Variants in SLC7A2 observed in about 807,000 individuals in gnomAD.
The protein encoded by SLC7A2 is cationic amino acid transporter 2.
SLC7A2 carries 48 observed loss-of-function variants against 58.9 expected under a neutral mutation model. The observed-to-expected ratio is 0.82, with a 90% CI of 0.65 to 1.04. The LOEUF is 1.04. Ranked by LOEUF, SLC7A2 falls within the 50% of genes least tolerant of loss-of-function variation. The probability of loss-of-function intolerance (pLI) is 0.00; values close to 1 mark genes in which losing one functional copy is unlikely to be tolerated. For missense variants in SLC7A2, 1,029 were observed against 818.8 expected, an observed-to-expected ratio of 1.26 and a Z score of -3.13; for synonymous variants, 363 against 314.5, an observed-to-expected ratio of 1.15 and a Z score of -1.63.
At chr8:17,511,397 A>G (rs143201070) in intron 2 of SLC7A2, 28 of 152,316 alleles carry the variant, frequency 1.8e-4, no homozygotes, top group African/African-American at 6.7e-4. Flanking sequence ...AAGAATCAGA[A>G]GAACCCTAAG....
chr8:17,548,922 T>C (rs1276628259), intron 5 of SLC7A2, 79 bp downstream of exon 5: 6 of 1,207,838 alleles, frequency 5.0e-6, no homozygotes, highest in African/African-American at 3.1e-5. Flanking sequence ...TCATTTTTAC[T>C]CTGCTAATAA....
chr8:17,528,631 T>A (rs1263890997), intron 2 of SLC7A2, among the ~76,000 whole-genome samples: 1 of 152,136 alleles, frequency 6.6e-6, no homozygotes, highest in East Asian at 1.9e-4. Flanking sequence ...CTTAGGGTTC[T>A]GAGGAAGTTA....
intron 2 of SLC7A2, among the ~76,000 whole-genome samples, chr8:17,522,049 T>TATG (rs1801035863): frequency 6.6e-6 from 1 of 152,200 alleles, no homozygotes; most frequent in South Asian, 2.1e-4. Context: ...ACCCAGGCTG[T>TATG]ATGCATGCAT....
At chr8:17,508,277 T>C (rs1401100214) in intron 2 of SLC7A2, among the ~76,000 whole-genome samples, 2 of 152,202 alleles carry the variant, frequency 1.3e-5, no homozygotes, top group Admixed American at 6.5e-5. Flanking sequence ...AATAACATAT[T>C]TACATTATTC....
chr8:17,568,228 CT>C lies in SLC7A2; in HGVS notation c.*3083del, dbSNP rs1803356679. 6.6e-6 allele frequency: 1 copy of C among 151,520 alleles called. No homozygotes were observed. The highest frequency in any genetic ancestry group is 1.5e-5 in the Non-Finnish European group (1 of 67,946). 9.4% of individuals were successfully genotyped at this position (151,520 alleles called of 1,614,324 possible). ...CAGTGAGAATTTCTTGTAATGGCACCTCAAATTTTATACTCTTAAAAAAAAA... is the reference window on the plus strand; with the variant it reads ...CAGTGAGAATTTCTTGTAATGGCACCCAAATTTTATACTCTTAAAAAAAAA... On this transcript the variant is annotated 3_prime_UTR_variant, in exon 13 of 13. Transcript: ENST00000494857.
chr8:17,561,851 A>T, intron 10 of SLC7A2, 93 bp from the exon 11 acceptor site: 1 of 1,191,966 alleles, frequency 8.4e-7, no homozygotes, highest in Non-Finnish European at 1.2e-6. Context: ...ATGTGTACAG[A>T]AGTCAGTGTT....
At position 17,564,953 on chromosome 8, in the gene SLC7A2, T is replaced by C; in HGVS notation, c.1784T>C (p.Phe595Ser). 1 of 1,576,032 alleles carries C rather than the reference T, an allele frequency of 6.3e-7. No homozygotes were observed. The highest frequency in any genetic ancestry group is 8.6e-7 in the Non-Finnish European group (1 of 1,165,400). Residue 595 changes from phenylalanine (F) to serine (S), a missense_variant, in exon 13 of 13, where the codon TTC becomes TCC. By Grantham distance (155) the Phe-to-Ser change is radical. Coordinates refer to ENST00000494857, the MANE Select transcript of SLC7A2 (RefSeq NM_001370338.1). ...VRFSIWMAIG[F>S]LIYFSYGIRH... ...TTTTTTTTTCCTGCCCCAACAGGCT[T>C]CCTGATTTACTTTTCTTATGGCATT...
At chr8:17,516,432 C>T (rs1164735317) in intron 2 of SLC7A2, among the ~76,000 whole-genome samples, 1 of 152,132 alleles carries the variant, frequency 6.6e-6, no homozygotes, top group Non-Finnish European at 1.5e-5. Context: ...CCATGTTGGC[C>T]AGGCTGTTGT....
In SLC7A2 at chr8:17,569,904, G is replaced by C. The variant is rs2285294; in HGVS notation, c.*4758G>C. 0.077 allele frequency: 11,765 copies of C among 152,236 alleles called. 501 individuals are homozygous for C. Among genetic ancestry groups the C allele is most frequent in the South Asian group, 0.18 (884 of 4,804 alleles). 9.4% of individuals were successfully genotyped at this position (152,236 alleles called of 1,614,324 possible). A position where few individuals can be genotyped will look rare whatever the true frequency, so the allele number is the denominator to read the frequency against. On this transcript the variant is annotated 3_prime_UTR_variant, in exon 13 of 13. Transcript: ENST00000494857. Reference sequence around the variant, plus strand: ...GGATCAGGCAGCCTATAGAGTGTGAGCATCTATGTGTAGCTACCCTTGTTG... The same window carrying C: ...GGATCAGGCAGCCTATAGAGTGTGACCATCTATGTGTAGCTACCCTTGTTG...
At chr8:17,545,073 T>C (rs1377046352) in intron 4 of SLC7A2, among the ~76,000 whole-genome samples, 1 of 152,192 alleles carries the variant, frequency 6.6e-6, no homozygotes, top group Non-Finnish European at 1.5e-5. Context: ...TCACCTGTCA[T>C]TTTGTAATGT....
intron 8 of SLC7A2, among the ~76,000 whole-genome samples, chr8:17,556,258 A>G (rs1353300264): frequency 6.6e-6 from 1 of 152,276 alleles, no homozygotes; most frequent in African/African-American, 2.4e-5. Flanking sequence ...AAAGAGTCAT[A>G]CGTTTTATTT....
intron 11 of SLC7A2, among the ~76,000 whole-genome samples, chr8:17,562,490 C>A (rs980481947): frequency 6.6e-6 from 1 of 152,004 alleles, no homozygotes; most frequent in Non-Finnish European, 1.5e-5. Flanking sequence ...TATGTGTGAG[C>A]CACCGTGCCC....
chr8:17,545,403 C>CTTTTTTTTTT (rs386412194), intron 4 of SLC7A2, among the ~76,000 whole-genome samples: 7 of 64,274 alleles, frequency 1.1e-4, no homozygotes, highest in Admixed American at 3.9e-4. Flanking sequence ...TGAACATTTT[C>CTTTTTTTTTT]TTTTTTTTTT....
chr8:17,543,761 G>C (rs939591831), intron 3 of SLC7A2, 46 bp downstream of exon 3: 1 of 1,490,578 alleles, frequency 6.7e-7, no homozygotes, highest in East Asian at 2.3e-5. Context: ...GGAAGAAATC[G>C]CAGCCCTGAG....
intron 7 of SLC7A2, among the ~76,000 whole-genome samples, chr8:17,553,698 A>C (rs1432434267): frequency 6.6e-6 from 1 of 152,184 alleles, no homozygotes; most frequent in Non-Finnish European, 1.5e-5. Context: ...GGATCGCTTG[A>C]GCCCAGGAGT....
chr8:17,547,000 T>C (rs1802202619), intron 4 of SLC7A2, among the ~76,000 whole-genome samples: 1 of 152,150 alleles, frequency 6.6e-6, no homozygotes, highest in Non-Finnish European at 1.5e-5. Context: ...AGGGAAAATT[T>C]ATTTTTCAGT....
intron 2 of SLC7A2, among the ~76,000 whole-genome samples, chr8:17,529,036 T>G (rs928066886): frequency 6.6e-6 from 1 of 152,182 alleles, no homozygotes; most frequent in African/African-American, 2.4e-5. Context: ...GTTTCAAATG[T>G]GATGTTAAGA....
chr8:17,551,030 A>G (rs1431843247), intron 6 of SLC7A2, among the ~76,000 whole-genome samples: 1 of 152,238 alleles, frequency 6.6e-6, no homozygotes, highest in Non-Finnish European at 1.5e-5. Context: ...TAGGTGAAAT[A>G]ACTTCATCTG....
intron 2 of SLC7A2, among the ~76,000 whole-genome samples, chr8:17,543,089 G>A (rs4921783): frequency 0.4 from 60,058 of 151,962 alleles, 14,689 homozygotes; most frequent in Non-Finnish European, 0.54. Flanking sequence ...ATAAGGGGAC[G>A]TGTATGCTAC....
Sources: allele counts gnomAD v4.1 joint callset (sites outside exome capture counted in the v4.1 genomes callset), GRCh38; gene constraint gnomAD v4.1.1; transcripts MANE v1.5; gene names NCBI Gene and HGNC (gene_info 2026-07-23, HGNC 2026-07-21).